The following IQSEC1 variants were observed in gnomAD, a reference collection of about 807,000 sequenced individuals.
IQSEC1 encodes the protein IQ motif and SEC7 domain-containing protein 1.
A neutral mutation model predicts 91.0 loss-of-function variants in IQSEC1; 31 were observed. The observed-to-expected ratio is 0.34, with a 90% CI of 0.26 to 0.46. The LOEUF is 0.46. IQSEC1 is among the 20% of genes least tolerant of loss of function. The pLI is 1.00. For synonymous variants in IQSEC1, 699 were observed against 662.6 expected (o/e 1.05, Z -0.84); for missense variants, 1,388 against 1,575.6 (o/e 0.88, Z 2.02).
chr3:12,899,438 C>A lies in IQSEC1; in HGVS notation c.*1545G>T. 6.2e-7 allele frequency: 1 copy of A among 1,609,786 alleles called. No homozygotes were observed. The highest frequency in any genetic ancestry group is 1.1e-5 in the South Asian group (1 of 90,430). On this transcript the variant is annotated 3_prime_UTR_variant, in exon 14 of 14. Coordinates refer to ENST00000613206, the MANE Select transcript of IQSEC1 (RefSeq NM_001134382.3). ...GCAGTGGCTCGAAAGGCTGAAACTACAAAGTATGGCCCGTGGGTGACTCGG... is the reference window on the plus strand; with the variant it reads ...GCAGTGGCTCGAAAGGCTGAAACTAAAAAGTATGGCCCGTGGGTGACTCGG...
chr3:13,143,354 A>C (rs115630979), intron 2 of IQSEC1, among the ~76,000 whole-genome samples: 1,764 of 152,262 alleles, frequency 0.012, 31 homozygotes, highest in African/African-American at 0.041. Flanking sequence ...GGGCCTGGGG[A>C]GGAGGTGGTC....
chr3:13,168,836 A>G (rs1693549364), intron 1 of IQSEC1, among the ~76,000 whole-genome samples: 1 of 151,972 alleles, frequency 6.6e-6, no homozygotes, highest in Non-Finnish European at 1.5e-5. Flanking sequence ...TCCTATCTAA[A>G]TAGCCCTCCC....
intron 1 of IQSEC1, among the ~76,000 whole-genome samples, chr3:13,071,814 C>T (rs1205869468): frequency 6.7e-6 from 1 of 149,074 alleles, no homozygotes; most frequent in Non-Finnish European, 1.5e-5. Context: ...ACTGCCATCC[C>T]CCAAACCAGA....
intron 2 of IQSEC1, among the ~76,000 whole-genome samples, chr3:13,119,283 G>T (rs1706386609): frequency 6.6e-6 from 1 of 152,186 alleles, no homozygotes. Flanking sequence ...CTCCAACTCT[G>T]TCATTAAAAG....
chr3:12,900,954 A>C lies in IQSEC1; in HGVS notation c.*29T>G. On this transcript the variant is annotated 3_prime_UTR_variant, in exon 14 of 14. Coordinates refer to ENST00000613206, the MANE Select transcript of IQSEC1 (RefSeq NM_001134382.3). ...GCCCTGTGTGGTGTGCAGGTGTTTC[A>C]GGGAGCCTGGGACCCCTACCCAGGC... The C allele has an allele frequency of 6.5e-7, 1 of 1,539,746 alleles. No homozygotes were observed.
At chr3:13,013,534 C>CT (rs1367616638) in intron 1 of IQSEC1, among the ~76,000 whole-genome samples, 1 of 152,194 alleles carries the variant, frequency 6.6e-6, no homozygotes, top group African/African-American at 2.4e-5. Context: ...GCCTGATGGC[C>CT]TACAGGTGTT....
Position 12,926,982 on chromosome 3 carries a change from G to GT in IQSEC1, c.1569-2241dup, listed in dbSNP as rs1697201066. ...AGGGACCCAGGATGGAAGGACCAGGGTTTCACTATTCACAAGATCACATGC... is the reference window on the plus strand; with the variant it reads ...AGGGACCCAGGATGGAAGGACCAGGGTTTTCACTATTCACAAGATCACATGC... On this transcript the variant is annotated intron_variant, in intron 3 of 13. Transcript: ENST00000613206. Among the ~76,000 whole-genome samples the GT allele has an allele frequency of 5.3e-5, 8 of 152,282 alleles. No homozygotes were observed. In the South Asian group the frequency reaches 1.7e-3, roughly 32 times the overall value.
At chr3:12,905,595 G>C (rs2125041844) in intron 12 of IQSEC1, among the ~76,000 whole-genome samples, 1 of 152,378 alleles carries the variant, frequency 6.6e-6, no homozygotes, top group African/African-American at 2.4e-5. Flanking sequence ...TCTGCGTGCT[G>C]CACCATGTTC....
chr3:13,263,109 G>A (rs565730392), intron 1 of IQSEC1, among the ~76,000 whole-genome samples: 1 of 152,232 alleles, frequency 6.6e-6, no homozygotes, highest in East Asian at 1.9e-4. Context: ...AATTAACTGG[G>A]TGCAGTGGTA....
At chr3:13,262,499 G>A (rs776815110) in intron 1 of IQSEC1, among the ~76,000 whole-genome samples, 10 of 152,140 alleles carry the variant, frequency 6.6e-5, no homozygotes, top group Admixed American at 4.6e-4. Context: ...ACGCTAGGAC[G>A]GAGTTCGTAG....
chr3:13,221,736 G>A lies in IQSEC1; in HGVS notation c.273-57603C>T, dbSNP rs182726177. Among the ~76,000 whole-genome samples, 609 of 152,370 alleles carry A rather than the reference G, an allele frequency of 4.0e-3. 5 individuals are homozygous for A. The highest frequency in any genetic ancestry group is 0.022 in the Admixed American group (339 of 15,314). On this transcript the variant is annotated intron_variant, in intron 1 of 15. Coordinates refer to the IQSEC1 transcript ENST00000648114. ...GCTCCATGACTGTATCACAGAGGCC[G>A]GGCCTCCTCGGCAGGGAGCTGCCTC...
At chr3:13,281,125 T>C (rs1429616529) in intron 1 of IQSEC1, among the ~76,000 whole-genome samples, 1 of 152,214 alleles carries the variant, frequency 6.6e-6, no homozygotes, top group Non-Finnish European at 1.5e-5. Context: ...CTGCTTCCCA[T>C]GAAAGCAGGG....
At chr3:12,986,322 G>A (rs1219628154) in intron 1 of IQSEC1, among the ~76,000 whole-genome samples, 3 of 152,182 alleles carry the variant, frequency 2.0e-5, no homozygotes, top group Non-Finnish European at 2.9e-5. Flanking sequence ...GCAGCCCTGC[G>A]CCAGAGGCAA....
intron 2 of IQSEC1, among the ~76,000 whole-genome samples, chr3:13,092,881 C>T (rs1263796673): frequency 6.6e-6 from 1 of 152,176 alleles, no homozygotes; most frequent in Non-Finnish European, 1.5e-5. Context: ...CTTCGAGTCC[C>T]GGGGCCTTTG....
intron 1 of IQSEC1, among the ~76,000 whole-genome samples, chr3:13,000,918 A>G (rs963617924): frequency 2.5e-4 from 38 of 150,336 alleles, no homozygotes; most frequent in African/African-American, 9.0e-4. Flanking sequence ...ACAGAGGCTC[A>G]GGAATGGGGA....
chr3:12,901,284 G>A lies in IQSEC1; in HGVS notation c.3044C>T (p.Pro1015Leu). Residue 1015 changes from proline to leucine, a missense_variant, in exon 14 of 14, where the codon CCC becomes CTC. Pro to Leu is a moderately conservative substitution (Grantham distance 98). Around this residue, in one of 2 missense-constraint regions of IQSEC1, gnomAD observed 329 missense variants for 257.8 expected, o/e 1.28. Transcript: ENST00000613206. ...QHSVAGHHLG[P>L]PEGLPQAAMH... ...GGCGGCCTGCGGCAGCCCCTCTGGG[G>A]GCCCCAGGTGGTGGCCAGCCACAGA... 1.3e-6 allele frequency: 2 copies of A among 1,548,432 alleles called. No homozygotes were observed.
rs574546800 is a variant in IQSEC1 at position 13,226,980 on chromosome 3, A to C, written c.272+55731T>G. The stretch of plus-strand genomic sequence containing the variant: ...CTGCAGAGGGAGTCCTTGAGGCAGA[A>C]CTCCTCGTTTGGGATCGTTTGAGCC... On this transcript the variant is annotated intron_variant, in intron 1 of 15. Transcript: ENST00000648114. 1.6e-4 allele frequency among the ~76,000 whole-genome samples: 25 copies of C among 151,760 alleles called. No individual in the cohort carries two copies. The East Asian group carries it at 2.1e-3, about 13-fold the overall frequency.
intron 6 of IQSEC1, among the ~76,000 whole-genome samples, chr3:12,916,687 A>T (rs1455794056): frequency 6.6e-6 from 1 of 152,228 alleles, no homozygotes; most frequent in African/African-American, 2.4e-5. Flanking sequence ...TCCCATGGGA[A>T]ATGAGACACA....
rs1403675437 is a variant in IQSEC1 at position 12,917,782 on chromosome 3, T to C, written c.2021-2049A>G. On this transcript the variant is annotated intron_variant, in intron 6 of 13. Transcript: ENST00000613206. ...CAAGGAGCACAACTGCTGGATCATA[T>C]TACTTTCTGGCTTTCAAACTATGTG... Among the ~76,000 whole-genome samples the C allele has an allele frequency of 6.6e-5, 10 of 152,256 alleles. 1 individual carries two copies. Among genetic ancestry groups the C allele is most frequent in the East Asian group, 1.9e-4 (1 of 5,202 alleles).
Sources: gnomAD v4.1 joint callset for allele counts (sites outside exome capture counted in the v4.1 genomes callset) on GRCh38, gnomAD v4.1.1 for gene constraint, gnomAD v4.1.1 regional missense constraint, MANE v1.5 for transcripts, NCBI Gene and HGNC (gene_info 2026-07-23, HGNC 2026-07-21) for gene names.